Variants in TESK2 observed in about 807,000 individuals in gnomAD.
TESK2 encodes dual specificity testis-specific protein kinase 2.
In TESK2, 39 loss-of-function variants were observed where a neutral mutation model predicts 57.1. The observed-to-expected ratio is 0.68, with a 90% CI of 0.53 to 0.89. The LOEUF (loss-of-function observed/expected upper bound fraction) is 0.89. Ranked by LOEUF, TESK2 falls within the 40% of genes least tolerant of loss-of-function variation. The pLI, the probability that TESK2 is intolerant of heterozygous loss-of-function variation, is 0.00. For missense variants in TESK2, 646 were observed against 732.1 expected, an observed-to-expected ratio of 0.88 and a Z score of 1.36; for synonymous variants, 249 against 267.9, an observed-to-expected ratio of 0.93 and a Z score of 0.69.
chr1:45,429,311 G>A (rs1407069594), intron 2 of TESK2, among the ~76,000 whole-genome samples: 3 of 152,102 alleles, frequency 2.0e-5, no homozygotes, highest in East Asian at 1.9e-4. Context: ...CAGAAGAATC[G>A]CTTGAACCCG....
chr1:45,377,420 A>AT (rs752265198), intron 4 of TESK2, among the ~76,000 whole-genome samples: 9,432 of 134,666 alleles, frequency 0.07, 906 homozygotes, highest in African/African-American at 0.21. Flanking sequence ...GAGAACAAGG[A>AT]TTTTTTTTTT....
chr1:45,403,898 A>C (rs1299261756), intron 3 of TESK2, among the ~76,000 whole-genome samples: 1 of 151,758 alleles, frequency 6.6e-6, no homozygotes, highest in Non-Finnish European at 1.5e-5. Context: ...AAAAAAAAAA[A>C]ACAAGTCTCC....
chr1:45,384,826 C>A (rs143643757), intron 4 of TESK2, among the ~76,000 whole-genome samples: 14 of 151,786 alleles, frequency 9.2e-5, no homozygotes, highest in Non-Finnish European at 1.9e-4. Flanking sequence ...CAGATTCAAA[C>A]GTATGTAATC....
intron 4 of TESK2, among the ~76,000 whole-genome samples, chr1:45,358,003 G>A (rs1436321218): frequency 7.6e-5 from 6 of 78,762 alleles, no homozygotes; most frequent in Admixed American, 5.3e-4. Context: ...GTGAAACTCC[G>A]TCTAAAAAAA....
intron 4 of TESK2, among the ~76,000 whole-genome samples, chr1:45,384,593 A>ATTTTTTTTTTTTTTTTT (rs59988269): frequency 8.5e-5 from 6 of 70,878 alleles, no homozygotes; most frequent in Non-Finnish European, 1.3e-4. Flanking sequence ...CTAATTATTA[A>ATTTTTTTTTTTTTTTTT]TTTTTTTTTT....
In TESK2 at chr1:45,346,105, C is replaced by A. The variant is rs1433632090; in HGVS notation, c.880-111G>T. ...AGATTCAGATGTGCAGCTGAGAGAC[C>A]TTTTCTAAAGGCCCCAGACAATGAA... On this transcript the variant is annotated intron_variant, in intron 9 of 10. Transcript: ENST00000372086. The A allele has an allele frequency of 1.1e-5, 9 of 841,806 alleles. No homozygotes were observed. The Admixed American group carries it at 1.5e-4, about 14-fold the overall frequency. 52.1% of individuals were successfully genotyped at this position (841,806 alleles called of 1,614,324 possible).
chr1:45,466,318 T>C (rs1652549755), intron 1 of TESK2, among the ~76,000 whole-genome samples: 1 of 151,928 alleles, frequency 6.6e-6, no homozygotes, highest in Non-Finnish European at 1.5e-5. Context: ...CTACTAAAAA[T>C]GCAAAAAATA....
At chr1:45,402,081 T>A (rs72686460) in intron 3 of TESK2, among the ~76,000 whole-genome samples, 38,826 of 142,532 alleles carry the variant, frequency 0.27, 5,159 homozygotes, top group East Asian at 0.37. Flanking sequence ...TAATAACCAT[T>A]AAAAAAAAAG....
intron 2 of TESK2, among the ~76,000 whole-genome samples, chr1:45,433,056 G>A (rs1218339157): frequency 1.5e-5 from 2 of 136,416 alleles, no homozygotes; most frequent in Admixed American, 7.7e-5. Context: ...GAGCCACCGC[G>A]CCCAGCCGCT....
At chr1:45,373,422 T>C (rs960845400) in intron 4 of TESK2, among the ~76,000 whole-genome samples, 2 of 152,262 alleles carry the variant, frequency 1.3e-5, no homozygotes, top group Non-Finnish European at 2.9e-5. Flanking sequence ...ATTAATACTT[T>C]TGCAAGTTAT....
In TESK2 at chr1:45,353,887, C is replaced by G. The variant is rs573844705; in HGVS notation, c.540+1416G>C. On this transcript the variant is annotated intron_variant, in intron 5 of 10. Transcript: ENST00000372086. The stretch of plus-strand genomic sequence containing the variant: ...TAACCTGGTCACACAGCAATTTGGA[C>G]AGCAAGAGAGTGCTACAGAGATCAG... 1.8e-3 allele frequency among the ~76,000 whole-genome samples: 273 copies of G among 152,286 alleles called. 1 individual carries two copies. Among genetic ancestry groups the G allele is most frequent in the African/African-American group, 6.0e-3 (251 of 41,548 alleles).
intron 1 of TESK2, among the ~76,000 whole-genome samples, chr1:45,480,161 A>G (rs1213875798): frequency 1.3e-5 from 2 of 151,608 alleles, no homozygotes; most frequent in African/African-American, 4.8e-5. Context: ...TCCAAAAGCT[A>G]TAAAAGAAAA....
At chr1:45,401,831 G>A (rs1419102111) in intron 3 of TESK2, among the ~76,000 whole-genome samples, 4 of 152,090 alleles carry the variant, frequency 2.6e-5, no homozygotes, top group African/African-American at 9.7e-5. Flanking sequence ...ACGAACCAAT[G>A]AAAATCTACC....
intron 1 of TESK2, among the ~76,000 whole-genome samples, chr1:45,479,993 T>C: frequency 6.6e-6 from 1 of 151,498 alleles, no homozygotes; most frequent in Non-Finnish European, 1.5e-5. Flanking sequence ...CGGCTAATTT[T>C]TGTATTTTTA....
At chr1:45,356,223 A>G (rs952515033) in intron 4 of TESK2, among the ~76,000 whole-genome samples, 2 of 152,086 alleles carry the variant, frequency 1.3e-5, no homozygotes, top group African/African-American at 4.8e-5. Context: ...AAAAAACTTG[A>G]TAATTGCCTG....
At chr1:45,358,713 A>T (rs764760475) in intron 4 of TESK2, among the ~76,000 whole-genome samples, 25 of 152,162 alleles carry the variant, frequency 1.6e-4, no homozygotes, top group Non-Finnish European at 3.4e-4. Context: ...CATGCACATG[A>T]AAATCCAATC....
At chr1:45,398,063 T>C (rs1023068408) in intron 3 of TESK2, among the ~76,000 whole-genome samples, 3 of 151,956 alleles carry the variant, frequency 2.0e-5, no homozygotes, top group Admixed American at 6.6e-5. Context: ...ATGCACCATC[T>C]CACCTGGCTA....
At chr1:45,347,420 G>T (rs556340638) in intron 7 of TESK2, among the ~76,000 whole-genome samples, 189 bp downstream of exon 7, 6 of 152,266 alleles carry the variant, frequency 3.9e-5, no homozygotes, top group African/African-American at 1.4e-4. Flanking sequence ...AAAAAAATTA[G>T]CTGGGCGTGG....
At chr1:45,352,832 C>T (rs1270572397) in intron 5 of TESK2, among the ~76,000 whole-genome samples, 1 of 151,736 alleles carries the variant, frequency 6.6e-6, no homozygotes, top group African/African-American at 2.4e-5. Context: ...GAGTAGGAAG[C>T]AAAGATTTGA....
Sources: allele counts gnomAD v4.1 joint callset (sites outside exome capture counted in the v4.1 genomes callset), GRCh38; gene constraint gnomAD v4.1.1; transcripts MANE v1.5; gene names NCBI Gene and HGNC (gene_info 2026-07-23, HGNC 2026-07-21).